The following RSRC1 variants were observed in gnomAD, a reference collection of about 807,000 sequenced individuals.
RSRC1 encodes the protein arginine and serine rich coiled-coil 1.
A neutral mutation model predicts 49.1 loss-of-function variants in RSRC1; 39 were observed. The ratio of observed to expected loss-of-function variants is 0.79; its 90% CI spans 0.61 to 1.04. The LOEUF (loss-of-function observed/expected upper bound fraction) is 1.04. Ranked by LOEUF, RSRC1 falls within the 50% of genes least tolerant of loss-of-function variation. The probability of loss-of-function intolerance (pLI) is 0.00; values close to 1 mark genes in which losing one functional copy is unlikely to be tolerated. For missense variants in RSRC1, 388 were observed against 402.4 expected, an observed-to-expected ratio of 0.96 and a Z score of 0.31; for synonymous variants, 143 against 130.8, an observed-to-expected ratio of 1.09 and a Z score of -0.63.
At chr3:158,438,154 C>G (rs1736154350) in intron 6 of RSRC1, among the ~76,000 whole-genome samples, 1 of 152,000 alleles carries the variant, frequency 6.6e-6, no homozygotes, top group African/African-American at 2.4e-5. Flanking sequence ...AACCACTGCT[C>G]AAGGAAATAA....
intron 4 of RSRC1, among the ~76,000 whole-genome samples, chr3:158,265,914 G>A (rs1377988989): frequency 6.6e-6 from 1 of 152,040 alleles, no homozygotes; most frequent in African/African-American, 2.4e-5. Context: ...ATATACAGAT[G>A]CCATTTATTT....
intron 6 of RSRC1, among the ~76,000 whole-genome samples, chr3:158,395,632 A>G (rs929940296): frequency 1.4e-4 from 22 of 152,144 alleles, no homozygotes; most frequent in African/African-American, 4.8e-4. Flanking sequence ...ATGAGATACC[A>G]TCTCATACCA....
chr3:158,134,763 AAG>A (rs1477771136), intron 3 of RSRC1, among the ~76,000 whole-genome samples: 2 of 152,202 alleles, frequency 1.3e-5, no homozygotes, highest in Non-Finnish European at 2.9e-5. Context: ...CTGGCAGAAA[AAG>A]AGGTTCTTTG....
intron 5 of RSRC1, among the ~76,000 whole-genome samples, chr3:158,316,199 AGAAAG>A (rs1480502710): frequency 1.3e-5 from 2 of 152,104 alleles, no homozygotes; most frequent in Non-Finnish European, 2.9e-5. Flanking sequence ...GATAATAAAA[AGAAAG>A]TATTTAACAA....
At chr3:158,438,290 A>C (rs757106507) in intron 6 of RSRC1, among the ~76,000 whole-genome samples, 1 of 152,164 alleles carries the variant, frequency 6.6e-6, no homozygotes, top group Non-Finnish European at 1.5e-5. Context: ...GCTGCCAATG[A>C]CTTTCTTCAC....
intron 6 of RSRC1, among the ~76,000 whole-genome samples, chr3:158,445,378 A>G (rs1273834897): frequency 6.6e-6 from 1 of 152,136 alleles, no homozygotes; most frequent in African/African-American, 2.4e-5. Flanking sequence ...GCTGGAAACC[A>G]TCATTCTCAG....
chr3:158,175,469 G>A (rs897372143), intron 3 of RSRC1, among the ~76,000 whole-genome samples: 1 of 150,460 alleles, frequency 6.6e-6, no homozygotes, highest in Admixed American at 6.7e-5. Flanking sequence ...TTCATGTGTG[G>A]TGTGTATGGT....
intron 3 of RSRC1, among the ~76,000 whole-genome samples, chr3:158,162,213 T>C (rs968291817): frequency 2.6e-5 from 4 of 152,188 alleles, no homozygotes; most frequent in Admixed American, 6.5e-5. Flanking sequence ...TCTAAGTAAA[T>C]CATGTCTGTG....
At chr3:158,410,656 C>A (rs1348386894) in intron 6 of RSRC1, among the ~76,000 whole-genome samples, 2 of 152,086 alleles carry the variant, frequency 1.3e-5, no homozygotes, top group Non-Finnish European at 2.9e-5. Context: ...CTGTCTATCT[C>A]TATCATCTAT....
chr3:158,163,414 A>G (rs1309403735), intron 3 of RSRC1, among the ~76,000 whole-genome samples: 3 of 152,190 alleles, frequency 2.0e-5, no homozygotes, highest in African/African-American at 7.2e-5. Flanking sequence ...CAAAGCCAAG[A>G]CTTGAAGATT....
chr3:158,456,447 C>T (rs1324920524), intron 6 of RSRC1, among the ~76,000 whole-genome samples: 2 of 151,926 alleles, frequency 1.3e-5, no homozygotes, highest in African/African-American at 4.8e-5. Flanking sequence ...GCTAAAGATA[C>T]ATGAAGTAAA....
intron 7 of RSRC1, among the ~76,000 whole-genome samples, chr3:158,482,228 CAG>C (rs145652346): frequency 0.2 from 30,293 of 151,766 alleles, 3,428 homozygotes; most frequent in South Asian, 0.27. Context: ...GAAGAAAAAA[CAG>C]ATAAATTAAT....
intron 7 of RSRC1, among the ~76,000 whole-genome samples, chr3:158,491,760 C>T (rs1483263067): frequency 2.6e-5 from 4 of 152,040 alleles, no homozygotes; most frequent in African/African-American, 9.7e-5. Flanking sequence ...GATTATAGAA[C>T]ATATCAACAG....
chr3:158,417,485 A>G (rs1334927199), intron 6 of RSRC1, among the ~76,000 whole-genome samples: 2 of 151,996 alleles, frequency 1.3e-5, no homozygotes. Flanking sequence ...TAAGGAGGCA[A>G]TATAGTAAAG....
At chr3:158,198,208 G>A (rs578191674) in intron 3 of RSRC1, among the ~76,000 whole-genome samples, 1 of 152,074 alleles carries the variant, frequency 6.6e-6, no homozygotes, top group Non-Finnish European at 1.5e-5. Flanking sequence ...AGGATAGTTA[G>A]CTCTTCTTGT....
At chr3:158,122,530 T>G (rs532377068) in intron 2 of RSRC1, among the ~76,000 whole-genome samples, 2 of 151,950 alleles carry the variant, frequency 1.3e-5, no homozygotes, top group South Asian at 4.1e-4. Flanking sequence ...TAGTTTCCTT[T>G]TTTAATTTAA....
At chr3:158,234,819 C>G (rs1171689258) in intron 4 of RSRC1, among the ~76,000 whole-genome samples, 1 of 152,022 alleles carries the variant, frequency 6.6e-6, no homozygotes, top group African/African-American at 2.4e-5. Flanking sequence ...CTTAAATGTC[C>G]TAGTTAGTCG....
chr3:158,118,678 G>A (rs1559906722), intron 1 of RSRC1, among the ~76,000 whole-genome samples: 1 of 151,842 alleles, frequency 6.6e-6, no homozygotes, highest in Non-Finnish European at 1.5e-5. Flanking sequence ...TGTCTTTTAT[G>A]GTGAAGGCTT....
At chr3:158,432,651 T>C (rs1337588919) in intron 6 of RSRC1, among the ~76,000 whole-genome samples, 1 of 151,968 alleles carries the variant, frequency 6.6e-6, no homozygotes, top group Non-Finnish European at 1.5e-5. Flanking sequence ...CTGAGACTTT[T>C]TATGAAGATT....
Sources: gnomAD v4.1 joint callset for allele counts (sites outside exome capture counted in the v4.1 genomes callset) on GRCh38, gnomAD v4.1.1 for gene constraint, MANE v1.5 for transcripts, NCBI Gene and HGNC (gene_info 2026-07-23, HGNC 2026-07-21) for gene names.